Variants in POLR3GL observed in about 807,000 individuals in gnomAD.
The protein encoded by POLR3GL is DNA-directed RNA polymerase III subunit RPC7-like.
A neutral mutation model predicts 32.4 loss-of-function variants in POLR3GL; 26 were observed. That is an observed-to-expected ratio of 0.80 (90% CI 0.59 to 1.11). POLR3GL has a LOEUF of 1.11. Ranked by LOEUF, POLR3GL falls within the 50% of genes most tolerant of loss-of-function variation. The probability of loss-of-function intolerance (pLI) is 0.00; values close to 1 mark genes in which losing one functional copy is unlikely to be tolerated. For missense variants in POLR3GL, 229 were observed against 280.1 expected (o/e 0.82, Z 1.30); for synonymous variants, 95 against 98.7 (o/e 0.96, Z 0.22).
chr1:145,967,626 C>T (rs1355819502), intron 1 of POLR3GL, among the ~76,000 whole-genome samples: 5 of 152,190 alleles, frequency 3.3e-5, no homozygotes, highest in Non-Finnish European at 1.5e-5. Context: ...CATCAGCGTG[C>T]CCCAGGCCTC....
chr1:145,975,211 C>T, intron 2 of POLR3GL, 96 bp from the exon 3 acceptor site: 1 of 1,494,206 alleles, frequency 6.7e-7, no homozygotes, highest in Non-Finnish European at 9.2e-7. Context: ...TGGCCCTCTG[C>T]TCAGTGGGAG....
chr1:145,976,989 C>T (rs1553763492), intron 3 of POLR3GL, 95 bp from the exon 4 acceptor site: 2 of 1,007,174 alleles, frequency 2.0e-6, no homozygotes, highest in East Asian at 4.9e-5. Flanking sequence ...GGTAAGGAAA[C>T]AGATAATTCC....
intron 3 of POLR3GL, among the ~76,000 whole-genome samples, chr1:145,976,016 G>A (rs1358919094): frequency 6.6e-6 from 1 of 151,942 alleles, no homozygotes; most frequent in Admixed American, 6.6e-5. Context: ...GCTTACGCCT[G>A]TAATGGCCAG....
chr1:145,969,869 A>C (rs902179161), intron 1 of POLR3GL, among the ~76,000 whole-genome samples: 11 of 148,994 alleles, frequency 7.4e-5, no homozygotes, highest in South Asian at 2.2e-4. Context: ...CGGTGAGCCG[A>C]GATTGCACCA....
rs1345016591 is a variant in POLR3GL, at chr1:145,972,030, G to GTGTGTGTA, written c.-41-2794_-41-2793insGTGTGTAT. Among the ~76,000 whole-genome samples, 997 of 128,520 alleles carry GTGTGTGTA rather than the reference G, an allele frequency of 7.8e-3. 18 individuals carry two copies. Among genetic ancestry groups the GTGTGTGTA allele is most frequent in the African/African-American group, 0.029 (946 of 32,318 alleles). 84.3% of individuals were successfully genotyped at this position (128,520 alleles called of 152,430 possible). On this transcript the variant is annotated intron_variant, in intron 1 of 7. Coordinates refer to ENST00000369314, the MANE Select transcript of POLR3GL (RefSeq NM_032305.3). ...TATATATACGTGTGTGTGTGTGTGTGTATATATATAGAGAGAGAGAGAGAG... is the reference window on the plus strand; with the variant it reads ...TATATATACGTGTGTGTGTGTGTGTGTGTGTGTATATATATATAGAGAGAGAGAGAGAG...
intron 1 of POLR3GL, among the ~76,000 whole-genome samples, chr1:145,966,048 G>A (rs1044178520): frequency 6.7e-6 from 1 of 150,120 alleles, no homozygotes; most frequent in East Asian, 2.0e-4. Context: ...CCCAGGAGGC[G>A]GAGGTTGCAG....
intron 1 of POLR3GL, among the ~76,000 whole-genome samples, chr1:145,968,517 C>T (rs1650134689): frequency 6.6e-6 from 1 of 152,122 alleles, no homozygotes; most frequent in Non-Finnish European, 1.5e-5. Context: ...AGATACTTAA[C>T]CAGCTGGTTA....
chr1:145,966,950 G>T (rs1242130657), intron 1 of POLR3GL, among the ~76,000 whole-genome samples: 1 of 151,952 alleles, frequency 6.6e-6, no homozygotes, highest in East Asian at 1.9e-4. Flanking sequence ...TATATCTGTT[G>T]ATGTCTTTGG....
intron 4 of POLR3GL, 70 bp from the exon 5 acceptor site, chr1:145,977,413 A>C: frequency 6.8e-7 from 1 of 1,474,202 alleles, no homozygotes; most frequent in Non-Finnish European, 9.5e-7. Context: ...ACCCCCCTTT[A>C]AAACCAGTCA....
intron 1 of POLR3GL, among the ~76,000 whole-genome samples, chr1:145,973,533 G>A (rs587721710): frequency 6.6e-5 from 10 of 151,992 alleles, no homozygotes; most frequent in Admixed American, 1.3e-4. Flanking sequence ...GTGACATGGC[G>A]AAATCCTGTC....
intron 1 of POLR3GL, among the ~76,000 whole-genome samples, chr1:145,971,185 C>CAAAA (rs36126138): frequency 1.5e-4 from 14 of 90,576 alleles, no homozygotes; most frequent in South Asian, 4.3e-4. Context: ...AACTCCATCT[C>CAAAA]AAAAAAAAAA....
chr1:145,972,324 G>A (rs868974712), intron 1 of POLR3GL, among the ~76,000 whole-genome samples: 27 of 150,370 alleles, frequency 1.8e-4, no homozygotes, highest in Admixed American at 5.3e-4. Context: ...AGGTTGCAGC[G>A]AGCCGAGATC....
rs587658586 is a variant in POLR3GL at position 145,971,012 on chromosome 1, C to T, written c.-41-3813C>T. ...CAGCCTGACCAACATGGAGAAACCC[C>T]CTCTGTACTAAAAAAAGTATAAAAT... On this transcript the variant is annotated intron_variant, in intron 1 of 7. Coordinates refer to ENST00000369314, the MANE Select transcript of POLR3GL (RefSeq NM_032305.3). Among the ~76,000 whole-genome samples, 56 of 150,166 alleles carry T rather than the reference C, an allele frequency of 3.7e-4. 2 individuals are homozygous for T. The highest frequency in any genetic ancestry group is 1.3e-3 in the African/African-American group (53 of 40,876).
intron 7 of POLR3GL, 93 bp from the exon 8 acceptor site, chr1:145,978,268 C>A: frequency 7.7e-7 from 1 of 1,306,046 alleles, no homozygotes. Context: ...ATGTCTCAGG[C>A]CTGGAATGGT....
chr1:145,967,837 G>C (rs587761917), intron 1 of POLR3GL, among the ~76,000 whole-genome samples: 1 of 152,296 alleles, frequency 6.6e-6, no homozygotes, highest in South Asian at 2.1e-4. Flanking sequence ...GGCACACCTA[G>C]TAAGCACTCA....
chr1:145,976,533 C>T (rs921119454), intron 3 of POLR3GL, among the ~76,000 whole-genome samples: 3 of 149,658 alleles, frequency 2.0e-5, no homozygotes, highest in Admixed American at 6.7e-5. Context: ...GCTGAGATCA[C>T]GCCACTGCAC....
intron 1 of POLR3GL, among the ~76,000 whole-genome samples, chr1:145,967,762 G>T (rs1461631006): frequency 6.6e-6 from 1 of 152,108 alleles, no homozygotes; most frequent in Non-Finnish European, 1.5e-5. Context: ...TTTAAACCCC[G>T]TGGGTGCAGC....
chr1:145,973,002 C>A (rs782463915), intron 1 of POLR3GL, among the ~76,000 whole-genome samples: 8 of 152,092 alleles, frequency 5.3e-5, no homozygotes. Context: ...CCCAGCTAAC[C>A]CATCAATATG....
At chr1:145,971,825 C>T (rs984945651) in intron 1 of POLR3GL, among the ~76,000 whole-genome samples, 1 of 150,326 alleles carries the variant, frequency 6.7e-6, no homozygotes, top group Non-Finnish European at 1.5e-5. Flanking sequence ...ATTAGCCGGG[C>T]GTAGTGGCGT....
Sources: gnomAD v4.1 joint callset for allele counts (sites outside exome capture counted in the v4.1 genomes callset) on GRCh38, gnomAD v4.1.1 for gene constraint, MANE v1.5 for transcripts, NCBI Gene and HGNC (gene_info 2026-07-23, HGNC 2026-07-21) for gene names.